The following FAM184B variants were observed in gnomAD, a reference collection of about 807,000 sequenced individuals.
FAM184B encodes family with sequence similarity 184 member B, also known as protein FAM184B.
Under a neutral mutation model 135.9 loss-of-function variants are expected in FAM184B, and 111 were observed. The observed-to-expected ratio is 0.82, with a 90% confidence interval of 0.70 to 0.96. FAM184B has a LOEUF of 0.96. FAM184B is among the 40% of genes least tolerant of loss of function. The probability of loss-of-function intolerance (pLI) is 0.00; values close to 1 mark genes in which losing one functional copy is unlikely to be tolerated. For missense variants in FAM184B, 1,375 were observed against 1,323.9 expected, an observed-to-expected ratio of 1.04 and a Z score of -0.60; for synonymous variants, 552 against 524.8, an observed-to-expected ratio of 1.05 and a Z score of -0.71.
At chr4:17,684,035 T>G (rs908970060) in intron 7 of FAM184B, among the ~76,000 whole-genome samples, 12 of 150,638 alleles carry the variant, frequency 8.0e-5, no homozygotes, top group African/African-American at 2.7e-4. Context: ...AGGACTGCAC[T>G]CCACCCTGGG....
At chr4:17,647,833 GGCTGAA>G in intron 11 of FAM184B, 42 bp from the exon 12 acceptor site, 1 of 1,527,004 alleles carries the variant, frequency 6.5e-7, no homozygotes, top group South Asian at 1.2e-5. Context: ...GTTGGGTCTA[GGCTGAA>G]GCCTGTGTCA....
intron 1 of FAM184B, among the ~76,000 whole-genome samples, chr4:17,778,971 A>G (rs769195960): frequency 2.0e-5 from 3 of 152,252 alleles, no homozygotes; most frequent in Non-Finnish European, 2.9e-5. Context: ...GGGAAGAAAC[A>G]ATTACATACT....
chr4:17,681,638 A>G (rs952732321), intron 7 of FAM184B, among the ~76,000 whole-genome samples: 5 of 152,164 alleles, frequency 3.3e-5, no homozygotes, highest in Non-Finnish European at 7.4e-5. Context: ...GTCCTCCAAA[A>G]TATGGCACGG....
rs1303724002 is a variant in FAM184B, at chr4:17,639,499, G to A, written c.2520-103C>T. 3 of 1,361,192 alleles carry A rather than the reference G, an allele frequency of 2.2e-6. No individual in the cohort carries two copies. The African/African-American group carries it at 4.3e-5, about 20-fold the overall frequency. The allele number at this position is 1,361,192 out of a possible 1,614,324, so 84.3% of individuals were successfully genotyped here. A position where few individuals can be genotyped will look rare whatever the true frequency, so the allele number is the denominator to read the frequency against. Reference sequence around the variant, plus strand: ...CATCGCTGCCCAGTTTGGGAGATCTGGGTGGGGAGAAATTGTGATCTAAGG... The same window carrying A: ...CATCGCTGCCCAGTTTGGGAGATCTAGGTGGGGAGAAATTGTGATCTAAGG... On this transcript the variant is annotated intron_variant, in intron 13 of 17. Coordinates refer to ENST00000265018, the MANE Select transcript of FAM184B (RefSeq NM_015688.2).
chr4:17,641,517 C>T (rs1184367484), intron 13 of FAM184B, among the ~76,000 whole-genome samples: 1 of 99,140 alleles, frequency 1.0e-5, no homozygotes, highest in African/African-American at 4.1e-5. Flanking sequence ...CTTGCATTGT[C>T]GCCCAGGCTG....
chr4:17,766,540 G>C (rs1018239090), intron 1 of FAM184B, among the ~76,000 whole-genome samples: 4 of 151,892 alleles, frequency 2.6e-5, no homozygotes, highest in African/African-American at 9.7e-5. Context: ...GCTAGACACA[G>C]AGTGCTGATT....
chr4:17,695,340 A>T (rs941484726), intron 5 of FAM184B, among the ~76,000 whole-genome samples: 2 of 151,772 alleles, frequency 1.3e-5, no homozygotes, highest in East Asian at 1.9e-4. Flanking sequence ...TTTAAAAAAA[A>T]ATTTTTTTAG....
At chr4:17,638,839 CA>C (rs1715226517) in intron 14 of FAM184B, among the ~76,000 whole-genome samples, 3 of 152,054 alleles carry the variant, frequency 2.0e-5, no homozygotes, top group Non-Finnish European at 2.9e-5. Context: ...TAGTTCCCCC[CA>C]CCACACCCCG....
chr4:17,656,687 C>T (rs1157874401), intron 10 of FAM184B, among the ~76,000 whole-genome samples: 1 of 152,246 alleles, frequency 6.6e-6, no homozygotes, highest in Non-Finnish European at 1.5e-5. Flanking sequence ...CAGGCGTGAG[C>T]CACAATGCTC....
intron 10 of FAM184B, among the ~76,000 whole-genome samples, chr4:17,655,164 A>C (rs147053019): frequency 3.4e-4 from 52 of 152,312 alleles, no homozygotes; most frequent in African/African-American, 1.2e-3. Context: ...ATTTAATAAA[A>C]CAGAAAAGGC....
chr4:17,734,109 G>A (rs1717852158), intron 1 of FAM184B, among the ~76,000 whole-genome samples: 1 of 152,164 alleles, frequency 6.6e-6, no homozygotes, highest in Admixed American at 6.5e-5. Context: ...AAATGGTGCT[G>A]GGAAAACTGG....
rs190911734 is a variant in FAM184B, at chr4:17,740,930, T to C, written c.142-31286A>G. On this transcript the variant is annotated intron_variant, in intron 1 of 17. Coordinates refer to ENST00000265018, the MANE Select transcript of FAM184B (RefSeq NM_015688.2). ...GACTGTTGTAGCCAAGGGGAATGAA[T>C]AGCCAACTCATTACTTTTCTTAAAA... Among the ~76,000 whole-genome samples, 12 of 152,286 alleles carry C rather than the reference T, an allele frequency of 7.9e-5. No individual in the cohort carries two copies. In the East Asian group the frequency reaches 2.3e-3, roughly 29 times the overall value.
chr4:17,688,680 C>CTTT (rs34337003), intron 6 of FAM184B, 149 bp from the exon 7 acceptor site: 1,963 of 117,696 alleles, frequency 0.017, 46 homozygotes, highest in South Asian at 0.045. Flanking sequence ...CTAGAAATGC[C>CTTT]TTTTTTTTTT....
At chr4:17,651,599 AACACTTAGATAG>A (rs1715620154) in intron 11 of FAM184B, among the ~76,000 whole-genome samples, 2 of 150,116 alleles carry the variant, frequency 1.3e-5, no homozygotes, top group Admixed American at 1.3e-4. Context: ...TGTAACAGGG[AACACTTAGATAG>A]ACTTACTGCA....
At chr4:17,710,735 G>A (rs1482158784) in intron 1 of FAM184B, among the ~76,000 whole-genome samples, 1 of 152,232 alleles carries the variant, frequency 6.6e-6, no homozygotes, top group Non-Finnish European at 1.5e-5. Context: ...GGAGCACAAT[G>A]AGAAGCCCGG....
At chr4:17,650,173 C>T (rs970307380) in intron 11 of FAM184B, among the ~76,000 whole-genome samples, 9 of 152,124 alleles carry the variant, frequency 5.9e-5, no homozygotes, top group Admixed American at 5.2e-4. Flanking sequence ...CCCACACCCC[C>T]ATCCACTTGT....
At chr4:17,748,503 TA>T (rs1718224457) in intron 1 of FAM184B, among the ~76,000 whole-genome samples, 1 of 116,616 alleles carries the variant, frequency 8.6e-6, no homozygotes, top group Non-Finnish European at 1.7e-5. Flanking sequence ...TCCTCTTGTG[TA>T]ATTTTTTTTT....
At chr4:17,665,256 C>G (rs1253745525) in intron 7 of FAM184B, among the ~76,000 whole-genome samples, 1 of 152,104 alleles carries the variant, frequency 6.6e-6, no homozygotes, top group Non-Finnish European at 1.5e-5. Context: ...GCTGAATGAC[C>G]AGAAATGGGG....
At chr4:17,750,870 A>T (rs1718274442) in intron 1 of FAM184B, among the ~76,000 whole-genome samples, 2 of 152,090 alleles carry the variant, frequency 1.3e-5, no homozygotes, top group Admixed American at 1.3e-4. Flanking sequence ...CTGTCTCATT[A>T]TGCCTGATCT....
Sources: allele counts gnomAD v4.1 joint callset (sites outside exome capture counted in the v4.1 genomes callset), GRCh38; gene constraint gnomAD v4.1.1; transcripts MANE v1.5; gene names NCBI Gene and HGNC (gene_info 2026-07-23, HGNC 2026-07-21).